The following GATAD2A variants were observed in gnomAD, a reference collection of about 807,000 sequenced individuals.
GATAD2A encodes the protein GATA zinc finger domain containing 2A.
Under a neutral mutation model 68.5 loss-of-function variants are expected in GATAD2A, and 12 were observed. That is an observed-to-expected ratio of 0.18 (90% CI 0.11 to 0.28). The LOEUF (loss-of-function observed/expected upper bound fraction) is 0.28. Among genes scored for constraint, GATAD2A ranks in the 10% least tolerant of loss-of-function variants. GATAD2A has a pLI of 1.00. For synonymous variants in GATAD2A, 410 were observed against 375.3 expected, an observed-to-expected ratio of 1.09 and a Z score of -1.07; for missense variants, 755 against 868.5, an observed-to-expected ratio of 0.87 and a Z score of 1.64.
intron 1 of GATAD2A, among the ~76,000 whole-genome samples, 199 bp from the exon 2 acceptor site, chr19:19,465,141 C>A (rs1218679456): frequency 6.6e-6 from 1 of 152,208 alleles, no homozygotes; most frequent in African/African-American, 2.4e-5. Flanking sequence ...GCTGGGGACA[C>A]CCCCCTCCTG....
chr19:19,404,010 GTGAT>G (rs2049980277), upstream of GATAD2A, among the ~76,000 whole-genome samples: 1 of 152,188 alleles, frequency 6.6e-6, no homozygotes, highest in Non-Finnish European at 1.5e-5. Flanking sequence ...GTCAGGGAAA[GTGAT>G]TGGGAGTCAA....
At chr19:19,502,171 C>CGTCCTAAGAATGAACTGAGTACCTCAG in intron 10 of GATAD2A, 128 bp downstream of exon 10, 1 of 885,228 alleles carries the variant, frequency 1.1e-6, no homozygotes, top group Non-Finnish European at 1.8e-6. Context: ...CTCCCCTCCC[C>CGTCCTAAGAATGAACTGAGTACCTCAG]CACCCCTCTG....
intron 1 of GATAD2A, among the ~76,000 whole-genome samples, chr19:19,417,737 AG>A (rs921822506): frequency 1.3e-5 from 2 of 152,226 alleles, no homozygotes; most frequent in Non-Finnish European, 2.9e-5. Context: ...GATAAAAGGC[AG>A]GCATGAGCTA....
chr19:19,392,450 TG>T (rs2048916383), intron 1 of GATAD2A, among the ~76,000 whole-genome samples: 1 of 150,960 alleles, frequency 6.6e-6, no homozygotes, highest in Non-Finnish European at 1.5e-5. Flanking sequence ...TGGAGTGCAG[TG>T]GTGCGATCTT....
chr19:19,453,435 T>C (rs1297420025), intron 1 of GATAD2A, among the ~76,000 whole-genome samples: 1 of 152,224 alleles, frequency 6.6e-6, no homozygotes, highest in African/African-American at 2.4e-5. Flanking sequence ...AATTTCCTTC[T>C]GACTTGTCAA....
intron 4 of GATAD2A, among the ~76,000 whole-genome samples, chr19:19,493,999 T>A (rs1259312358): frequency 2.6e-4 from 39 of 152,172 alleles, no homozygotes; most frequent in Non-Finnish European, 2.9e-5. Context: ...TTCTGTCCCC[T>A]AGAGGGCACA....
intron 1 of GATAD2A, among the ~76,000 whole-genome samples, chr19:19,408,512 G>A (rs2050551739): frequency 6.6e-6 from 1 of 152,024 alleles, no homozygotes; most frequent in Non-Finnish European, 1.5e-5. Flanking sequence ...AAACTTTTTA[G>A]TGTCTCTGTA....
At chr19:19,451,816 T>A (rs1359795457) in intron 1 of GATAD2A, among the ~76,000 whole-genome samples, 1 of 152,260 alleles carries the variant, frequency 6.6e-6, no homozygotes, top group Non-Finnish European at 1.5e-5. Context: ...ACTGTTCTTT[T>A]GTTCAGAATT....
At chr19:19,439,195 C>A (rs1031747120) in intron 1 of GATAD2A, among the ~76,000 whole-genome samples, 2 of 152,238 alleles carry the variant, frequency 1.3e-5, no homozygotes, top group Non-Finnish European at 2.9e-5. Context: ...CTTATGGGCA[C>A]AGGGGCAGTC....
chr19:19,495,634 TAAAAAAAAA>T, intron 5 of GATAD2A, 111 bp from the exon 6 acceptor site: 3 of 546,344 alleles, frequency 5.5e-6, no homozygotes, highest in Non-Finnish European at 8.5e-6. Flanking sequence ...CTCTGCTACT[TAAAAAAAAA>T]AAAAAAAAAA....
upstream of GATAD2A, among the ~76,000 whole-genome samples, chr19:19,401,482 G>T (rs1438342462): frequency 6.6e-6 from 1 of 151,898 alleles, no homozygotes; most frequent in African/African-American, 2.4e-5. Flanking sequence ...CAAAGTGCTG[G>T]GATTACAGGT....
intron 1 of GATAD2A, among the ~76,000 whole-genome samples, chr19:19,415,148 C>CTTTT (rs57295102): frequency 7.9e-6 from 1 of 126,332 alleles, no homozygotes; most frequent in Non-Finnish European, 1.6e-5. Context: ...GATGTCTTTA[C>CTTTT]TTTTTTTTTT....
At chr19:19,479,961 G>T in intron 2 of GATAD2A, among the ~76,000 whole-genome samples, 1 of 148,126 alleles carries the variant, frequency 6.8e-6, no homozygotes, top group South Asian at 2.1e-4. Flanking sequence ...CCTTAGCCTT[G>T]TGAGTAGCTG....
intron 8 of GATAD2A, 48 bp from the exon 9 acceptor site, chr19:19,501,070 A>C (rs1272502081): frequency 6.5e-7 from 1 of 1,548,404 alleles, no homozygotes. Flanking sequence ...CAGGGCCCTG[A>C]CTGTCGTCCT....
At chr19:19,467,103 C>T (rs968261067) in intron 2 of GATAD2A, among the ~76,000 whole-genome samples, 13 of 152,190 alleles carry the variant, frequency 8.5e-5, no homozygotes, top group East Asian at 1.9e-4. Context: ...CAGCTGGGCG[C>T]GGTGACTCAC....
At chr19:19,482,277 G>A (rs539916283) in intron 2 of GATAD2A, among the ~76,000 whole-genome samples, 13 of 152,262 alleles carry the variant, frequency 8.5e-5, no homozygotes, top group Admixed American at 3.9e-4. Flanking sequence ...GGTAGTGGGC[G>A]CCTGTAGTCC....
rs150537243 is a variant in GATAD2A at position 19,479,702 on chromosome 19, A to C, written c.270-12604A>C. 5.3e-3 allele frequency among the ~76,000 whole-genome samples: 802 copies of C among 152,254 alleles called. 6 individuals are homozygous for C. The highest frequency in any genetic ancestry group is 0.041 in the South Asian group (197 of 4,822). On this transcript the variant is annotated intron_variant, in intron 2 of 11. Coordinates refer to ENST00000683918, the MANE Select transcript of GATAD2A (RefSeq NM_001384528.1). Reference sequence around the variant, plus strand: ...ATATCAAAGGTACTGCTGGTCTTGAATGAACGATCGTTTTGGTGAGGTGCC... The same window carrying C: ...ATATCAAAGGTACTGCTGGTCTTGACTGAACGATCGTTTTGGTGAGGTGCC...
chr19:19,492,846 A>G, intron 4 of GATAD2A, 134 bp downstream of exon 4: 1 of 742,390 alleles, frequency 1.3e-6, no homozygotes, highest in Non-Finnish European at 2.2e-6. Context: ...CCACTCCCGC[A>G]TTTGTGGACT....
chr19:19,438,825 C>T (rs753228478), intron 1 of GATAD2A, among the ~76,000 whole-genome samples: 1 of 152,170 alleles, frequency 6.6e-6, no homozygotes, highest in African/African-American at 2.4e-5. Context: ...GTCAAATAGG[C>T]GGAAGCCACC....
Sources: allele counts gnomAD v4.1 joint callset (sites outside exome capture counted in the v4.1 genomes callset), GRCh38; gene constraint gnomAD v4.1.1; transcripts MANE v1.5; gene names NCBI Gene and HGNC (gene_info 2026-07-23, HGNC 2026-07-21).